TNPO1: variants seen among roughly 807,000 people sequenced by gnomAD.
TNPO1 encodes transportin-1.
Under a neutral mutation model 119.5 loss-of-function variants are expected in TNPO1, and 8 were observed. The observed-to-expected ratio is 0.07, with a 90% CI of 0.04 to 0.12. The LOEUF is 0.12. Among genes scored for constraint, TNPO1 ranks in the 10% least tolerant of loss-of-function variants. The pLI is 1.00. For missense variants in TNPO1, 576 were observed against 1,089.8 expected, an observed-to-expected ratio of 0.53 and a Z score of 6.64; for synonymous variants, 362 against 363.0, an observed-to-expected ratio of 1.00 and a Z score of 0.03.
chr5:72,851,170 A>G (rs1024434346), intron 2 of TNPO1, 74 bp from the exon 3 acceptor site: 13 of 932,914 alleles, frequency 1.4e-5, no homozygotes, highest in Admixed American at 1.2e-4. Flanking sequence ...GAGATCCTTG[A>G]TTTTTAGATT....
At chr5:72,881,580 T>C (rs1748251453) in intron 9 of TNPO1, among the ~76,000 whole-genome samples, 1 of 152,242 alleles carries the variant, frequency 6.6e-6, no homozygotes, top group Non-Finnish European at 1.5e-5. Flanking sequence ...AGTGGTCTCT[T>C]CACAATCTGC....
intron 19 of TNPO1, 51 bp downstream of exon 19, chr5:72,896,607 C>T (rs770722065): frequency 6.9e-6 from 10 of 1,442,930 alleles, no homozygotes; most frequent in African/African-American, 2.9e-5. Context: ...CGGTGGCTCA[C>T]GCCTGTAATC....
At chr5:72,818,105 T>C (rs1561286766) in intron 1 of TNPO1, among the ~76,000 whole-genome samples, 1 of 152,240 alleles carries the variant, frequency 6.6e-6, no homozygotes, top group Non-Finnish European at 1.5e-5. Flanking sequence ...GATTTTTACT[T>C]CATGCAATTT....
rs1450844757 is a variant in TNPO1, at chr5:72,865,449, A to T, written c.463-147A>T. ...CAAGACTCCGTCTCAAAAAAAAAAAAATTGAAGGATTAAATTTATGGATTT... is the reference window on the plus strand; with the variant it reads ...CAAGACTCCGTCTCAAAAAAAAAAATATTGAAGGATTAAATTTATGGATTT... On this transcript the variant is annotated intron_variant, in intron 5 of 24. Coordinates refer to ENST00000337273, the MANE Select transcript of TNPO1 (RefSeq NM_002270.4). 1.2e-5 allele frequency: 11 copies of T among 940,634 alleles called. No homozygotes were observed. The East Asian group carries it at 3.1e-4, about 26-fold the overall frequency. The allele number at this position is 940,634 out of a possible 1,614,324, so 58.3% of individuals were successfully genotyped here.
intron 1 of TNPO1, among the ~76,000 whole-genome samples, chr5:72,822,196 G>A (rs936052057): frequency 6.6e-6 from 1 of 152,050 alleles, no homozygotes; most frequent in African/African-American, 2.4e-5. Flanking sequence ...ACTCTACATC[G>A]ATTTAAAAGG....
chr5:72,828,923 A>G (rs1744325899), intron 1 of TNPO1, among the ~76,000 whole-genome samples: 1 of 152,220 alleles, frequency 6.6e-6, no homozygotes, highest in African/African-American at 2.4e-5. Context: ...GACAGAAGGA[A>G]GAGCAAGAAA....
rs954256180 is a variant in TNPO1 at position 72,912,820 on chromosome 5, A to G, written c.*4147A>G. Reference sequence around the variant, plus strand: ...AGGAAAAAGTGGTTTTTTGCTTCATATGGTAAATCTATATTATTCATATTG... The same window carrying G: ...AGGAAAAAGTGGTTTTTTGCTTCATGTGGTAAATCTATATTATTCATATTG... On this transcript the variant is annotated 3_prime_UTR_variant, in exon 25 of 25. Coordinates refer to ENST00000337273, the MANE Select transcript of TNPO1 (RefSeq NM_002270.4). 2.6e-5 allele frequency: 4 copies of G among 152,630 alleles called. No individual in the cohort carries two copies. Among genetic ancestry groups the G allele is most frequent in the South Asian group, 4.1e-4 (2 of 4,828 alleles). 9.5% of individuals were successfully genotyped at this position (152,630 alleles called of 1,614,324 possible). A position where few individuals can be genotyped will look rare whatever the true frequency, so the allele number is the denominator to read the frequency against.
At chr5:72,890,079 T>A in intron 14 of TNPO1, 122 bp downstream of exon 14, 1 of 1,080,726 alleles carries the variant, frequency 9.3e-7, no homozygotes, top group Non-Finnish European at 1.3e-6. Context: ...TTAGCTACTT[T>A]AAGAGTATAG....
At chr5:72,886,231 C>A (rs1748624707) in intron 11 of TNPO1, among the ~76,000 whole-genome samples, 1 of 152,034 alleles carries the variant, frequency 6.6e-6, no homozygotes, top group African/African-American at 2.4e-5. Flanking sequence ...GATTTATAGT[C>A]CCATAGTTAA....
At chr5:72,871,465 A>G (rs1300556392) in intron 6 of TNPO1, among the ~76,000 whole-genome samples, 1 of 152,238 alleles carries the variant, frequency 6.6e-6, no homozygotes, top group Non-Finnish European at 1.5e-5. Flanking sequence ...TGGTTAAGAC[A>G]AAGAAAGGTT....
chr5:72,836,763 A>T (rs1744708663), intron 1 of TNPO1, among the ~76,000 whole-genome samples: 1 of 152,212 alleles, frequency 6.6e-6, no homozygotes, highest in Non-Finnish European at 1.5e-5. Context: ...AAGAGAAGCC[A>T]TGCCACACCT....
chr5:72,893,198 G>A lies in TNPO1; in HGVS notation c.1848G>A (p.Val616=), dbSNP rs1749189994. 2 of 1,614,144 alleles carry A rather than the reference G, an allele frequency of 1.2e-6. No homozygotes were observed. Among genetic ancestry groups the A allele is most frequent in the Non-Finnish European group, 1.7e-6 (2 of 1,180,030 alleles). ...GATTCCTTCCGTACTGTGAACCTGT[G>A]TATCAGCGTTGTGTAAACCTAGTAC... ...QSGFLPYCEP[V]YQRCVNLVQK... Residue 616 remains valine (V), a synonymous_variant, in exon 16 of 25, where the codon GTG becomes GTA. Transcript: ENST00000337273.
chr5:72,865,151 T>A (rs1292753309), intron 5 of TNPO1, among the ~76,000 whole-genome samples: 1 of 152,092 alleles, frequency 6.6e-6, no homozygotes, highest in East Asian at 1.9e-4. Context: ...GTTTTAAAAT[T>A]GAATATTAGA....
At chr5:72,865,380 T>TG (rs1426745536) in intron 5 of TNPO1, among the ~76,000 whole-genome samples, 1 of 142,020 alleles carries the variant, frequency 7.0e-6, no homozygotes, top group East Asian at 2.1e-4. Context: ...AGGCAGAAGT[T>TG]GCAGTGACCC....
At chr5:72,819,074 G>A (rs182443805) in intron 1 of TNPO1, among the ~76,000 whole-genome samples, 6 of 152,178 alleles carry the variant, frequency 3.9e-5, no homozygotes, top group Admixed American at 1.3e-4. Flanking sequence ...TTTATAAAGA[G>A]AAGAGGTTTA....
At chr5:72,896,382 C>T (rs1196927299) in intron 18 of TNPO1, 76 bp from the exon 19 acceptor site, 10 of 861,512 alleles carry the variant, frequency 1.2e-5, no homozygotes, top group Non-Finnish European at 1.5e-5. Flanking sequence ...TTTCTGTTTC[C>T]ACCTAGTAGA....
At chr5:72,884,015 G>T (rs1748443595) in intron 11 of TNPO1, among the ~76,000 whole-genome samples, 1 of 152,052 alleles carries the variant, frequency 6.6e-6, no homozygotes, top group African/African-American at 2.4e-5. Context: ...CTCCCAAAGT[G>T]CTAGGATTAC....
intron 6 of TNPO1, among the ~76,000 whole-genome samples, chr5:72,870,900 A>G (rs1747343369): frequency 1.3e-5 from 2 of 152,166 alleles, no homozygotes; most frequent in Non-Finnish European, 2.9e-5. Context: ...AGTACTTAAC[A>G]TATATATTAG....
At chr5:72,845,742 C>T (rs970812015) in intron 1 of TNPO1, among the ~76,000 whole-genome samples, 2 of 152,042 alleles carry the variant, frequency 1.3e-5, no homozygotes, top group Non-Finnish European at 2.9e-5. Flanking sequence ...CCCTAGTTGA[C>T]GACAGAAATA....
Sources: gnomAD v4.1 joint callset for allele counts (sites outside exome capture counted in the v4.1 genomes callset) on GRCh38, gnomAD v4.1.1 for gene constraint, MANE v1.5 for transcripts, NCBI Gene and HGNC (gene_info 2026-07-23, HGNC 2026-07-21) for gene names.